HSPA14: variants seen among roughly 807,000 people sequenced by gnomAD.
The protein encoded by HSPA14 is heat shock 70 kDa protein 14.
A neutral mutation model predicts 65.5 loss-of-function variants in HSPA14; 37 were observed. The ratio of observed to expected loss-of-function variants is 0.56; its 90% CI spans 0.43 to 0.74. The LOEUF (loss-of-function observed/expected upper bound fraction) is 0.74, where lower values mean the gene tolerates loss of function less well. HSPA14 is among the 30% of genes least tolerant of loss of function. The pLI is 0.00. For missense variants in HSPA14, 564 were observed against 607.6 expected (o/e 0.93, Z 0.75); for synonymous variants, 203 against 214.2 (o/e 0.95, Z 0.46).
Position 14,864,005 on chromosome 10 carries a change from C to T in HSPA14, c.994-3078C>T, listed in dbSNP as rs184632565. Among the ~76,000 whole-genome samples, 419 of 151,108 alleles carry T rather than the reference C, an allele frequency of 2.8e-3. 1 individual carries two copies. The highest frequency in any genetic ancestry group is 9.6e-3 in the African/African-American group (394 of 41,096). On this transcript the variant is annotated intron_variant, in intron 10 of 13. Coordinates refer to ENST00000378372, the MANE Select transcript of HSPA14 (RefSeq NM_016299.4). ...TGAGATGGTGGCCACCTACAAGCCA[C>T]GAAAAGAGACCTCAGAATGGCCTGT... is the stretch of plus-strand genomic sequence containing the variant.
intron 3 of HSPA14, among the ~76,000 whole-genome samples, chr10:14,841,847 A>G (rs1263633197): frequency 6.6e-6 from 1 of 152,164 alleles, no homozygotes; most frequent in South Asian, 2.1e-4. Context: ...TAGCTGCCTC[A>G]TGGTCCAGGT....
At chr10:14,846,965 C>G in intron 3 of HSPA14, 1 of 985,358 alleles carries the variant, frequency 1.0e-6, no homozygotes. Context: ...TTCGGTAATC[C>G]TGGTGTGGAC....
intron 10 of HSPA14, among the ~76,000 whole-genome samples, chr10:14,861,768 C>T (rs746103544): frequency 3.9e-5 from 6 of 152,054 alleles, no homozygotes; most frequent in Non-Finnish European, 5.9e-5. Context: ...AACCCCAGCA[C>T]ATTGGGAGGC....
At position 14,849,553 on chromosome 10, in the gene HSPA14, T is replaced by C. The variant is rs1404329034; in HGVS notation, c.377-168T>C. 3 of 696,956 alleles carry C rather than the reference T, an allele frequency of 4.3e-6. No homozygotes were observed. The East Asian group carries it at 8.5e-5, about 20-fold the overall frequency. 43.2% of individuals were successfully genotyped at this position (696,956 alleles called of 1,614,324 possible). On this transcript the variant is annotated intron_variant, in intron 5 of 13. Coordinates refer to ENST00000378372, the MANE Select transcript of HSPA14 (RefSeq NM_016299.4). The stretch of plus-strand genomic sequence containing the variant: ...ATATCACCAAAACCACAAGAAGTGC[T>C]GCATGATTTCAGAGCGCAGAGAAGA...
At chr10:14,846,968 G>A in intron 3 of HSPA14, 1 of 985,352 alleles carries the variant, frequency 1.0e-6, no homozygotes, top group Non-Finnish European at 1.2e-6. Context: ...GGTAATCCTG[G>A]TGTGGACAAA....
chr10:14,866,741 C>T (rs899230471), intron 10 of HSPA14, among the ~76,000 whole-genome samples: 3 of 151,946 alleles, frequency 2.0e-5, no homozygotes, highest in African/African-American at 7.2e-5. Flanking sequence ...TTGGACAGTA[C>T]AAAATATTGA....
chr10:14,867,320 TTAAGG>T (rs1476947230), intron 11 of HSPA14, 25 bp downstream of exon 11: 7 of 1,486,072 alleles, frequency 4.7e-6, no homozygotes, highest in Non-Finnish European at 4.7e-6. Flanking sequence ...TGTATACTAG[TTAAGG>T]TATGTTTAGC....
intron 9 of HSPA14, among the ~76,000 whole-genome samples, chr10:14,854,714 A>G (rs1187316894): frequency 6.6e-6 from 1 of 152,170 alleles, no homozygotes; most frequent in African/African-American, 2.4e-5. Context: ...TAGTGACTGT[A>G]TTTGGTTAAA....
At chr10:14,858,711 C>T (rs549551151) in intron 10 of HSPA14, among the ~76,000 whole-genome samples, 50 of 152,284 alleles carry the variant, frequency 3.3e-4, no homozygotes, top group African/African-American at 1.0e-3. Context: ...ATGGGTAATC[C>T]TCTTACGGGG....
chr10:14,858,506 G>A (rs1402715247), intron 10 of HSPA14, among the ~76,000 whole-genome samples: 1 of 152,216 alleles, frequency 6.6e-6, no homozygotes, highest in Non-Finnish European at 1.5e-5. Context: ...TTACAGGTGG[G>A]CAGCTGCAGG....
chr10:14,870,701 C>T (rs765621156), intron 13 of HSPA14, 34 bp downstream of exon 13: 1 of 1,487,676 alleles, frequency 6.7e-7, no homozygotes, highest in Admixed American at 2.2e-5. Context: ...TAAGAAAATT[C>T]AATTTGATAC....
chr10:14,844,104 T>C (rs1834012445), intron 3 of HSPA14: 4 of 1,387,932 alleles, frequency 2.9e-6, no homozygotes, highest in East Asian at 2.8e-5. Flanking sequence ...GGTGACCTAA[T>C]AGAAAACGAT....
At chr10:14,845,633 G>C in intron 3 of HSPA14, 1 of 749,298 alleles carries the variant, frequency 1.3e-6, no homozygotes, top group Non-Finnish European at 1.6e-6. Context: ...TCACTGTTTT[G>C]CCCAGGCTGG....
intron 3 of HSPA14, chr10:14,843,629 G>A (rs774867450): frequency 7.1e-6 from 11 of 1,550,336 alleles, no homozygotes; most frequent in East Asian, 2.4e-5. Context: ...CGAAGAAGGC[G>A]GTCAGTGGCC....
At chr10:14,855,787 T>C in intron 9 of HSPA14, 54 bp from the exon 10 acceptor site, 2 of 935,634 alleles carry the variant, frequency 2.1e-6, no homozygotes, top group Non-Finnish European at 3.4e-6. Flanking sequence ...CCCCGTTTTA[T>C]CTTTCTCTTG....
chr10:14,843,516 G>T lies in HSPA14; in HGVS notation c.221+3359G>T. 2.6e-6 allele frequency: 4 copies of T among 1,550,658 alleles called. No individual in the cohort carries two copies. In the South Asian group the frequency reaches 3.6e-5, roughly 14 times the overall value. ...CCAGCACCAACCGCAGCACTCCTGGGGTAGCCTCCACACCGCAGACTCCAG... is the reference window on the plus strand; with the variant it reads ...CCAGCACCAACCGCAGCACTCCTGGTGTAGCCTCCACACCGCAGACTCCAG... On this transcript the variant is annotated intron_variant, in intron 3 of 13. Transcript: ENST00000378372.
At position 14,869,232 on chromosome 10, in the gene HSPA14, CGTGTGTGT is replaced by C. The variant is rs68155495; in HGVS notation, c.1381-1340_1381-1333del. Among the ~76,000 whole-genome samples the C allele has an allele frequency of 1.3e-3, 193 of 144,818 alleles. 1 individual carries two copies. The highest frequency in any genetic ancestry group is 3.8e-3 in the African/African-American group (152 of 39,732). ...ATGAGATATTGTGTGTGTACGTGTA[CGTGTGTGT>C]GTGTGTGTGTGTGTGTGTGTGTGTA... On this transcript the variant is annotated intron_variant, in intron 12 of 13. Coordinates refer to ENST00000378372, the MANE Select transcript of HSPA14 (RefSeq NM_016299.4).
At chr10:14,844,978 T>G (rs1007850609) in intron 3 of HSPA14, 1 of 985,368 alleles carries the variant, frequency 1.0e-6, no homozygotes, top group African/African-American at 1.7e-5. Flanking sequence ...GACAGAAGTT[T>G]ATGTAGTTAA....
Position 14,842,786 on chromosome 10 carries a change from A to T in HSPA14, c.221+2629A>T. Reference sequence around the variant, plus strand: ...AGATGAGGATTGTCAGCTAAGAATCAGTGACCGGATACGAGAAACCAGTGA... The same window carrying T: ...AGATGAGGATTGTCAGCTAAGAATCTGTGACCGGATACGAGAAACCAGTGA... On this transcript the variant is annotated intron_variant, in intron 3 of 13. Transcript: ENST00000378372. The surrounding 1 kb of genome is among the most constrained non-coding windows in gnomAD (Gnocchi z 5.2). 2.6e-6 allele frequency: 4 copies of T among 1,536,476 alleles called. No homozygotes were observed. The highest frequency in any genetic ancestry group is 3.5e-6 in the Non-Finnish European group (4 of 1,146,982).
Sources: gnomAD v4.1 joint callset for allele counts (sites outside exome capture counted in the v4.1 genomes callset) on GRCh38, gnomAD v4.1.1 for gene constraint, Gnocchi (gnomAD v3.1) non-coding constraint, MANE v1.5 for transcripts, NCBI Gene and HGNC (gene_info 2026-07-23, HGNC 2026-07-21) for gene names.